SERINC3: variants seen among roughly 807,000 people sequenced by gnomAD.
SERINC3 encodes tumor differentially expressed protein 1.
Under a neutral mutation model 52.1 loss-of-function variants are expected in SERINC3, and 22 were observed. The observed-to-expected ratio is 0.42, with a 90% CI of 0.30 to 0.60. The LOEUF (loss-of-function observed/expected upper bound fraction) is 0.60, where lower values mean the gene tolerates loss of function less well. Ranked by LOEUF, SERINC3 falls within the 20% of genes least tolerant of loss-of-function variation. The probability of loss-of-function intolerance (pLI) is 0.16; values close to 1 mark genes in which losing one functional copy is unlikely to be tolerated. For missense variants in SERINC3, 564 were observed against 584.6 expected (o/e 0.96, Z 0.36); for synonymous variants, 226 against 212.7 (o/e 1.06, Z -0.54).
At position 44,501,305 on chromosome 20, in the gene SERINC3, A is replaced by G; in HGVS notation, c.1056-5T>C. 6.2e-7 allele frequency: 1 copy of G among 1,612,656 alleles called. No homozygotes were observed. Among genetic ancestry groups the G allele is most frequent in the African/African-American group, 1.3e-5 (1 of 74,898 alleles). ...CTATTAGTGGAAGTGCGGATGCTGG[A>G]AAGTGATCCCAAGGAAGACAAATCA... On this transcript the variant is annotated splice_region_variant and splice_polypyrimidine_tract_variant and intron_variant, in intron 8 of 9. Transcript: ENST00000342374.
At chr20:44,515,203 A>C (rs2064372701) in intron 1 of SERINC3, among the ~76,000 whole-genome samples, 1 of 152,028 alleles carries the variant, frequency 6.6e-6, no homozygotes, top group South Asian at 2.1e-4. Context: ...AAAATACAAA[A>C]ATTATCCGGG....
chr20:44,512,753 G>A (rs1444879772), intron 3 of SERINC3, 48 bp downstream of exon 3: 1 of 1,447,342 alleles, frequency 6.9e-7, no homozygotes. Flanking sequence ...CTGAAGGGAA[G>A]GAAGAGCCAC....
chr20:44,505,030 A>G (rs745439975), intron 6 of SERINC3, 139 bp from the exon 7 acceptor site: 2 of 594,500 alleles, frequency 3.4e-6, no homozygotes, highest in Non-Finnish European at 6.0e-6. Flanking sequence ...AAAGGTGACA[A>G]GTAACCTTCT....
intron 1 of SERINC3, among the ~76,000 whole-genome samples, chr20:44,516,289 G>A (rs559843884): frequency 1.3e-5 from 2 of 152,134 alleles, no homozygotes; most frequent in African/African-American, 4.8e-5. Context: ...GCGACAGACT[G>A]AGACTCCGTC....
intron 1 of SERINC3, among the ~76,000 whole-genome samples, chr20:44,520,548 A>G (rs1283154085): frequency 1.3e-5 from 2 of 151,700 alleles, no homozygotes; most frequent in East Asian, 3.9e-4. Flanking sequence ...AGTGGGAGCT[A>G]AACACTGGGA....
In SERINC3 at chr20:44,513,873, T is replaced by C; in HGVS notation, c.201+6A>G. On this transcript the variant is annotated splice_donor_region_variant and intron_variant, in intron 2 of 9. Coordinates refer to ENST00000342374, the MANE Select transcript of SERINC3 (RefSeq NM_006811.4). Reference sequence around the variant, plus strand: ...CCAATACCTTAAGGGCACTGTTACTTCTTACCTTCTTCAAGTAAGTTTCCA... The same window carrying C: ...CCAATACCTTAAGGGCACTGTTACTCCTTACCTTCTTCAAGTAAGTTTCCA... 3 of 1,596,496 alleles carry C rather than the reference T, an allele frequency of 1.9e-6. No individual in the cohort carries two copies. The highest frequency in any genetic ancestry group is 2.6e-6 in the Non-Finnish European group (3 of 1,171,012).
intron 3 of SERINC3, among the ~76,000 whole-genome samples, chr20:44,512,281 C>A (rs1394288052): frequency 1.3e-5 from 2 of 149,692 alleles, no homozygotes; most frequent in Non-Finnish European, 3.0e-5. Flanking sequence ...CCATTACACT[C>A]CAGCCTGGGT....
chr20:44,500,996 G>A, intron 9 of SERINC3, 77 bp downstream of exon 9: 3 of 1,054,370 alleles, frequency 2.8e-6, no homozygotes, highest in South Asian at 1.3e-5. Flanking sequence ...GGGTTCTGAG[G>A]TCAGGACAAT....
intron 1 of SERINC3, among the ~76,000 whole-genome samples, chr20:44,520,569 G>A (rs1286012247): frequency 6.6e-6 from 1 of 152,072 alleles, no homozygotes; most frequent in African/African-American, 2.4e-5. Context: ...ACACAGACAC[G>A]AAGATGGCAA....
chr20:44,521,568 A>C (rs1276090787), intron 1 of SERINC3, among the ~76,000 whole-genome samples: 1 of 152,248 alleles, frequency 6.6e-6, no homozygotes, highest in Admixed American at 6.5e-5. Flanking sequence ...TGGCACCTTA[A>C]GAGGTGCTTC....
chr20:44,521,948 C>A lies in SERINC3; in HGVS notation c.4G>T (p.Gly2Trp). ...AGGGAGAAGACACCCAGCACAGCCC[C>A]CATGGTGACGCCAGTGATGGAGGTG... is the stretch of plus-strand genomic sequence containing the variant. M[G>W]AVLGVFSLAS... Residue 2 changes from glycine to tryptophan, a missense_variant, in exon 1 of 10, where the codon GGG (glycine) becomes TGG (tryptophan). By Grantham distance (184) the Gly-to-Trp change is radical. Transcript: ENST00000342374. 1 of 1,611,406 alleles carries A rather than the reference C, an allele frequency of 6.2e-7. No homozygotes were observed.
intron 7 of SERINC3, 54 bp downstream of exon 7, chr20:44,504,747 G>A (rs1021059280): frequency 1.7e-4 from 241 of 1,423,422 alleles, no homozygotes; most frequent in Middle Eastern, 4.3e-4. Context: ...CTATGTAAAG[G>A]CTGATTTCCT....
Position 44,512,919 on chromosome 20 carries a change from C to T in SERINC3, c.277G>A (p.Val93Ile), listed in dbSNP as rs765966082. The T allele has an allele frequency of 1.9e-6, 3 of 1,566,478 alleles. No individual in the cohort carries two copies. The highest frequency in any genetic ancestry group is 2.4e-5 in the South Asian group (2 of 81,702). ...ATCCGATACACAGCTTTATAACCAA[C>T]CAGCACATCACAATCTTTATCTGCA... ...INADKDCDVLVGYKAVYRISF... is the reference protein window; with the variant it reads ...INADKDCDVLIGYKAVYRISF... Residue 93 changes from valine to isoleucine, a missense_variant, in exon 3 of 10, where the codon GTT becomes ATT. Val to Ile is a conservative substitution (Grantham distance 29, BLOSUM62 3). Transcript: ENST00000342374.
rs989927844 is a variant in SERINC3, at chr20:44,498,795, A to G, written c.*1501T>C. ...GAATATGTTTTCAGCCACCCTCAAC[A>G]TAAGGTCCAAACTCTTTACTGAGGT... On this transcript the variant is annotated 3_prime_UTR_variant, in exon 10 of 10. Coordinates refer to ENST00000342374, the MANE Select transcript of SERINC3 (RefSeq NM_006811.4). The G allele has an allele frequency of 1.3e-5, 2 of 152,180 alleles. No individual in the cohort carries two copies. Among genetic ancestry groups the G allele is most frequent in the African/African-American group, 4.8e-5 (2 of 41,426 alleles). The allele number at this position is 152,180 out of a possible 1,614,324, so 9.4% of individuals were successfully genotyped here.
chr20:44,507,698 GT>G (rs1396812535), intron 5 of SERINC3, among the ~76,000 whole-genome samples: 6 of 152,092 alleles, frequency 3.9e-5, no homozygotes, highest in Non-Finnish European at 8.8e-5. Flanking sequence ...GCCAAACCCT[GT>G]CTCTACAAAA....
intron 7 of SERINC3, 62 bp downstream of exon 7, chr20:44,504,739 A>ATG: frequency 2.2e-6 from 3 of 1,361,862 alleles, no homozygotes; most frequent in Non-Finnish European, 2.1e-6. Context: ...TGTACCAACT[A>ATG]TGTAAAGGCT....
intron 1 of SERINC3, among the ~76,000 whole-genome samples, chr20:44,515,081 C>T (rs891811575): frequency 3.3e-5 from 5 of 152,038 alleles, no homozygotes; most frequent in African/African-American, 4.8e-5. Flanking sequence ...TGGCTGGGTG[C>T]GGCAGCTCAC....
At chr20:44,521,407 T>C (rs184061501) in intron 1 of SERINC3, among the ~76,000 whole-genome samples, 3 of 152,328 alleles carry the variant, frequency 2.0e-5, no homozygotes, top group East Asian at 1.9e-4. Flanking sequence ...GTTTCCAATT[T>C]TGAATAACAA....
At chr20:44,511,215 A>G in intron 4 of SERINC3, 74 bp downstream of exon 4, 1 of 1,136,494 alleles carries the variant, frequency 8.8e-7, no homozygotes, top group Non-Finnish European at 1.3e-6. Context: ...CACCCGGCCT[A>G]AAATGTAGCT....
Sources: allele counts gnomAD v4.1 joint callset (sites outside exome capture counted in the v4.1 genomes callset), GRCh38; gene constraint gnomAD v4.1.1; transcripts MANE v1.5; gene names NCBI Gene and HGNC (gene_info 2026-07-23, HGNC 2026-07-21).